The following VIPAS39 variants were observed in gnomAD, a reference collection of about 807,000 sequenced individuals.
VIPAS39 encodes VPS33B interacting protein, apical-basolateral polarity regulator, spe-39 homolog.
In VIPAS39, 63 loss-of-function variants were observed where a neutral mutation model predicts 84.7. The observed-to-expected ratio is 0.74, with a 90% CI of 0.61 to 0.92. The LOEUF is 0.92. Among genes scored for constraint, VIPAS39 ranks in the 40% least tolerant of loss-of-function variants. The pLI, the probability that VIPAS39 is intolerant of heterozygous loss-of-function variation, is 0.00. For synonymous variants in VIPAS39, 192 were observed against 216.5 expected (o/e 0.89, Z 0.99); for missense variants, 499 against 604.5 (o/e 0.83, Z 1.83).
In VIPAS39 at chr14:77,442,679, A is replaced by C. The variant is rs1046696029; in HGVS notation, c.632-17T>G. 6.2e-7 allele frequency: 1 copy of C among 1,611,578 alleles called. No individual in the cohort carries two copies. Among genetic ancestry groups the C allele is most frequent in the African/African-American group, 1.3e-5 (1 of 74,902 alleles). On this transcript the variant is annotated splice_polypyrimidine_tract_variant and intron_variant, in intron 9 of 19. Transcript: ENST00000557658. The stretch of plus-strand genomic sequence containing the variant: ...AGAGGATCTCTGTCAGACAGTCAGG[A>C]GTTAAGTTGAGAAAGATTAAAGCCA...
intron 1 of VIPAS39, chr14:77,457,055 A>G: frequency 7.3e-7 from 1 of 1,371,242 alleles, no homozygotes; most frequent in Non-Finnish European, 9.4e-7. Flanking sequence ...AGAAAACCAC[A>G]ACATGCTCCC....
intron 11 of VIPAS39, among the ~76,000 whole-genome samples, chr14:77,440,056 A>C (rs113571674): frequency 1.1e-4 from 16 of 152,028 alleles, no homozygotes; most frequent in African/African-American, 3.9e-4. Context: ...CTAATTTTTT[A>C]AATTTTTTTT....
In VIPAS39 at chr14:77,431,753, T is replaced by C. The variant is rs149406640; in HGVS notation, c.1180-1986A>G. On this transcript the variant is annotated intron_variant, in intron 16 of 19. Transcript: ENST00000557658. ...CTTTTGGGTATATGCCCAAAATAAA[T>C]GAAATCATCACCTCATAAAGATACT... 1.5e-3 allele frequency among the ~76,000 whole-genome samples: 228 copies of C among 152,320 alleles called. 1 individual carries two copies. The highest frequency in any genetic ancestry group is 2.6e-3 in the Non-Finnish European group (176 of 68,026).
At chr14:77,452,116 T>C (rs1312219336) in intron 3 of VIPAS39, among the ~76,000 whole-genome samples, 1 of 152,194 alleles carries the variant, frequency 6.6e-6, no homozygotes, top group African/African-American at 2.4e-5. Flanking sequence ...TACAATTTAA[T>C]ACTATGCTGC....
Position 77,434,282 on chromosome 14 carries a change from T to G in VIPAS39, c.1069A>C (p.Asn357His), listed in dbSNP as rs1412232848. ...EAEGTFSSPV[N>H]LKKTFKIPDK... ...TCTACCTTAAATGTCTTCTTCAGGT[T>G]GACGGGACTGCTGAATGTCCCCTAG... The change falls in exon 15 of 20, where the codon AAC becomes CAC. Residue 357 changes from asparagine (N) to histidine (H), a missense_variant. Asn to His is a moderately conservative substitution (Grantham distance 68). Transcript: ENST00000557658. The G allele has an allele frequency of 2.5e-6, 4 of 1,614,186 alleles. No individual in the cohort carries two copies. Among genetic ancestry groups the G allele is most frequent in the Non-Finnish European group, 3.4e-6 (4 of 1,180,026 alleles).
At chr14:77,440,033 C>A (rs1477371326) in intron 11 of VIPAS39, among the ~76,000 whole-genome samples, 8 of 152,058 alleles carry the variant, frequency 5.3e-5, no homozygotes, top group Non-Finnish European at 8.8e-5. Context: ...CAGGCATGCG[C>A]CACCATGCTT....
rs370589388 is a variant in VIPAS39 at position 77,442,294 on chromosome 14, T to C, written c.734+266A>G. The stretch of plus-strand genomic sequence containing the variant: ...AAAACTCATGAAGAGGGTTGATAAC[T>C]TGGCCAAGGTCACTCAATGAATGAT... On this transcript the variant is annotated intron_variant, in intron 10 of 19. Coordinates refer to ENST00000557658, the MANE Select transcript of VIPAS39 (RefSeq NM_001193315.2). 2.6e-4 allele frequency among the ~76,000 whole-genome samples: 39 copies of C among 152,314 alleles called. No homozygotes were observed. The East Asian group carries it at 5.8e-3, about 23-fold the overall frequency.
At chr14:77,446,038 A>G (rs1462656207) in intron 7 of VIPAS39, among the ~76,000 whole-genome samples, 1 of 150,856 alleles carries the variant, frequency 6.6e-6, no homozygotes, top group Admixed American at 6.6e-5. Context: ...TGGTCCTTTC[A>G]TGGCTTTAAC....
chr14:77,436,446 G>T (rs2078612626), intron 12 of VIPAS39, among the ~76,000 whole-genome samples: 1 of 152,070 alleles, frequency 6.6e-6, no homozygotes, highest in Non-Finnish European at 1.5e-5. Flanking sequence ...TATGTTTTTT[G>T]TTTGTCTGCT....
intron 3 of VIPAS39, among the ~76,000 whole-genome samples, chr14:77,452,207 A>C (rs1463185762): frequency 6.6e-6 from 1 of 152,180 alleles, no homozygotes; most frequent in Non-Finnish European, 1.5e-5. Flanking sequence ...TTAACACATA[A>C]AAAGAGCAAG....
chr14:77,454,336 T>A (rs911351954), intron 1 of VIPAS39, among the ~76,000 whole-genome samples: 1 of 152,184 alleles, frequency 6.6e-6, no homozygotes, highest in Non-Finnish European at 1.5e-5. Flanking sequence ...CTTAAGAGCA[T>A]CCACTTTGTC....
chr14:77,440,864 G>T (rs1258226659), intron 11 of VIPAS39, among the ~76,000 whole-genome samples: 2 of 126,576 alleles, frequency 1.6e-5, no homozygotes, highest in Non-Finnish European at 3.3e-5. Flanking sequence ...GATTACAGGT[G>T]CGTGCCACCA....
rs1380790409 is a variant in VIPAS39, at chr14:77,428,410, G to T, written c.1421C>A (p.Ser474Ter). 1 of 1,613,996 alleles carries T rather than the reference G, an allele frequency of 6.2e-7. No homozygotes were observed. Among genetic ancestry groups the T allele is most frequent in the African/African-American group, 1.3e-5 (1 of 75,038 alleles). Residue 474 changes from serine to a stop codon, truncating the protein, a stop_gained, in exon 19 of 20, where the codon TCA (serine) becomes TAA (stop). Transcript: ENST00000557658. LOFTEE classifies it high-confidence loss of function. ...AGCATCAATCTTCTCCTCCTCTGCT[G>T]ATCCTTTATCTACCTTACTCCTGTA... ...LAYRSKVDKG[S>*]AEEEKIDALL...
At chr14:77,446,323 A>C (rs2078788919) in intron 7 of VIPAS39, among the ~76,000 whole-genome samples, 1 of 151,842 alleles carries the variant, frequency 6.6e-6, no homozygotes, top group African/African-American at 2.4e-5. Flanking sequence ...TTTTTTTTAG[A>C]GAGAGGGTCT....
intron 16 of VIPAS39, among the ~76,000 whole-genome samples, chr14:77,432,529 T>C (rs987489437): frequency 3.3e-5 from 5 of 152,166 alleles, no homozygotes; most frequent in African/African-American, 9.7e-5. Flanking sequence ...TAAGTGTCCA[T>C]TGATGGATGA....
chr14:77,433,913 C>A lies in VIPAS39; in HGVS notation c.1108G>T (p.Val370Leu). ...KTFKIPDKQY[V>L]LTALAARAKL... ...GCACGAGCAGCCAGGGCTGTCAGCACATACTGTTTATCTGGGATCTGGAAA... is the reference window on the plus strand; with the variant it reads ...GCACGAGCAGCCAGGGCTGTCAGCAAATACTGTTTATCTGGGATCTGGAAA... The change falls in exon 16 of 20, where the codon GTG becomes TTG. Residue 370 changes from valine (V) to leucine (L), a missense_variant. Coordinates refer to ENST00000557658, the MANE Select transcript of VIPAS39 (RefSeq NM_001193315.2). The A allele has an allele frequency of 6.2e-7, 1 of 1,613,986 alleles. No homozygotes were observed. The highest frequency in any genetic ancestry group is 8.5e-7 in the Non-Finnish European group (1 of 1,179,952).
At chr14:77,435,781 T>C in intron 13 of VIPAS39, 63 bp downstream of exon 13, 3 of 1,560,626 alleles carry the variant, frequency 1.9e-6, no homozygotes, top group Non-Finnish European at 2.7e-6. Flanking sequence ...AGAAATCTCC[T>C]AGATGCTGAA....
intron 16 of VIPAS39, among the ~76,000 whole-genome samples, chr14:77,430,045 T>G (rs1016561853): frequency 3.9e-5 from 6 of 152,226 alleles, no homozygotes; most frequent in African/African-American, 1.2e-4. Flanking sequence ...TTAATATTTG[T>G]AGTATGAACT....
At chr14:77,437,428 C>T (rs1295451935) in intron 12 of VIPAS39, among the ~76,000 whole-genome samples, 16 of 152,090 alleles carry the variant, frequency 1.1e-4, no homozygotes, top group Admixed American at 8.5e-4. Context: ...AAAAATGCAT[C>T]AGGTCCCTAA....
Sources: gnomAD v4.1 joint callset for allele counts (sites outside exome capture counted in the v4.1 genomes callset) on GRCh38, gnomAD v4.1.1 for gene constraint, MANE v1.5 for transcripts, NCBI Gene and HGNC (gene_info 2026-07-23, HGNC 2026-07-21) for gene names.